CFAP299: variants seen among roughly 807,000 people sequenced by gnomAD.
CFAP299 encodes cilia and flagella associated protein 299.
In CFAP299, 21 loss-of-function variants were observed where a neutral mutation model predicts 27.0. That is an observed-to-expected ratio of 0.78 (90% CI 0.55 to 1.12). CFAP299 has a LOEUF of 1.12. Ranked by LOEUF, CFAP299 falls within the 50% of genes most tolerant of loss-of-function variation. The pLI, the probability that CFAP299 is intolerant of heterozygous loss-of-function variation, is 0.00. For synonymous variants in CFAP299, 104 were observed against 98.1 expected (o/e 1.06, Z -0.36); for missense variants, 310 against 276.6 (o/e 1.12, Z -0.86).
intron 3 of CFAP299, among the ~76,000 whole-genome samples, chr4:80,770,962 C>A (rs976289170): frequency 6.6e-6 from 1 of 152,128 alleles, no homozygotes; most frequent in African/African-American, 2.4e-5. Flanking sequence ...TTAGGTCAGG[C>A]CCACCTAGAT....
intron 4 of CFAP299, among the ~76,000 whole-genome samples, chr4:80,908,452 A>T (rs1027711290): frequency 6.6e-6 from 1 of 152,208 alleles, no homozygotes; most frequent in African/African-American, 2.4e-5. Context: ...TTAGCATGAC[A>T]TTCCTACCTC....
chr4:80,826,343 CA>C (rs1244522131), intron 3 of CFAP299, among the ~76,000 whole-genome samples: 1 of 151,432 alleles, frequency 6.6e-6, no homozygotes, highest in East Asian at 1.9e-4. Flanking sequence ...CAACAATTAT[CA>C]AAAGGACAGA....
chr4:80,398,861 G>T (rs1725970593), intron 2 of CFAP299, among the ~76,000 whole-genome samples: 1 of 152,154 alleles, frequency 6.6e-6, no homozygotes, highest in Admixed American at 6.5e-5. Context: ...AAACGAAAGA[G>T]CTTCTGCACA....
At chr4:80,494,552 T>G (rs1446566342) in intron 2 of CFAP299, among the ~76,000 whole-genome samples, 2 of 152,172 alleles carry the variant, frequency 1.3e-5, no homozygotes, top group Non-Finnish European at 2.9e-5. Flanking sequence ...TCACAGCATT[T>G]GGTTCTTGCT....
chr4:80,812,003 C>T (rs572697042), intron 3 of CFAP299, among the ~76,000 whole-genome samples: 23 of 152,046 alleles, frequency 1.5e-4, no homozygotes, highest in African/African-American at 4.3e-4. Flanking sequence ...AAAATGGTCA[C>T]GTGAAACAGG....
chr4:80,591,282 C>A (rs1445161704), intron 3 of CFAP299, among the ~76,000 whole-genome samples: 3 of 150,754 alleles, frequency 2.0e-5, no homozygotes, highest in Non-Finnish European at 4.4e-5. Context: ...CGCCACTACG[C>A]CCGGCTAATT....
chr4:80,515,866 G>A (rs1284470037), intron 2 of CFAP299, among the ~76,000 whole-genome samples: 1 of 152,124 alleles, frequency 6.6e-6, no homozygotes, highest in East Asian at 1.9e-4. Flanking sequence ...TTCATACAAA[G>A]CCTTTGCTGA....
intron 2 of CFAP299, among the ~76,000 whole-genome samples, chr4:80,503,276 G>C (rs1386564319): frequency 1.3e-5 from 2 of 151,876 alleles, no homozygotes; most frequent in Non-Finnish European, 2.9e-5. Context: ...CACCTATTTT[G>C]GTACATATAT....
chr4:80,759,492 GA>G (rs1370605809), intron 3 of CFAP299, among the ~76,000 whole-genome samples: 1 of 152,116 alleles, frequency 6.6e-6, no homozygotes, highest in Non-Finnish European at 1.5e-5. Context: ...AACCATGAAA[GA>G]AAAATGTGAG....
intron 2 of CFAP299, among the ~76,000 whole-genome samples, chr4:80,428,539 T>G (rs188460487): frequency 4.6e-5 from 7 of 152,030 alleles, no homozygotes; most frequent in African/African-American, 1.7e-4. Flanking sequence ...TTTTTCTTTC[T>G]TTTTTTTGAG....
At chr4:80,777,427 A>C (rs539670852) in intron 3 of CFAP299, among the ~76,000 whole-genome samples, 3 of 152,152 alleles carry the variant, frequency 2.0e-5, no homozygotes, top group Admixed American at 2.0e-4. Flanking sequence ...TTGACTTTTC[A>C]TTCAGGCTAG....
rs535617299 is a variant in CFAP299 at position 80,548,023 on chromosome 4, G to T, written c.243-35070G>T. On this transcript the variant is annotated intron_variant, in intron 2 of 5. Transcript: ENST00000358105. ...CATTTGACCCAGCAATCCCAGTATT[G>T]GGTATATACCCAAAGGAAAATAAAT... Among the ~76,000 whole-genome samples, 3 of 152,198 alleles carry T rather than the reference G, an allele frequency of 2.0e-5. No individual in the cohort carries two copies. In the South Asian group the frequency reaches 6.2e-4, roughly 32 times the overall value.
At chr4:80,859,712 T>G (rs1732189506) in intron 3 of CFAP299, among the ~76,000 whole-genome samples, 1 of 152,234 alleles carries the variant, frequency 6.6e-6, no homozygotes, top group African/African-American at 2.4e-5. Flanking sequence ...GAAAATTCTT[T>G]TCTTTAAGAA....
At position 80,674,667 on chromosome 4, in the gene CFAP299, C is replaced by T. The variant is rs148557645; in HGVS notation, c.333+91484C>T. Among the ~76,000 whole-genome samples, 52 of 152,258 alleles carry T rather than the reference C, an allele frequency of 3.4e-4. 1 individual carries two copies. The East Asian group carries it at 4.8e-3, about 14-fold the overall frequency. Reference sequence around the variant, plus strand: ...GTCACTTTCACGTACACTGATCAAACGAAGATTTGGTCTTTTCACATTGTC... The same window carrying T: ...GTCACTTTCACGTACACTGATCAAATGAAGATTTGGTCTTTTCACATTGTC... On this transcript the variant is annotated intron_variant, in intron 3 of 5. Coordinates refer to ENST00000358105, the MANE Select transcript of CFAP299 (RefSeq NM_152770.3).
chr4:80,402,570 C>T (rs1726218500), intron 2 of CFAP299, among the ~76,000 whole-genome samples: 1 of 152,184 alleles, frequency 6.6e-6, no homozygotes, highest in African/African-American at 2.4e-5. Flanking sequence ...CCAATTAAAA[C>T]TCCTTTTCTT....
Position 80,405,435 on chromosome 4 carries a change from ACATTTCC to A in CFAP299, c.242+42556_242+42562del, listed in dbSNP as rs1303768675. The stretch of plus-strand genomic sequence containing the variant: ...CTCTTTATGAAATGGTAATAATAAT[ACATTTCC>A]CATTAAATCTTTAAATATTCATTAA... On this transcript the variant is annotated intron_variant, in intron 2 of 5. Transcript: ENST00000358105. Among the ~76,000 whole-genome samples, 3 of 152,318 alleles carry A rather than the reference ACATTTCC, an allele frequency of 2.0e-5. No homozygotes were observed. The East Asian group carries it at 5.8e-4, about 29-fold the overall frequency.
At chr4:80,918,044 G>A (rs1022587847) in intron 4 of CFAP299, among the ~76,000 whole-genome samples, 3 of 152,114 alleles carry the variant, frequency 2.0e-5, no homozygotes, top group African/African-American at 7.2e-5. Context: ...GCTACTTGCT[G>A]TACCATTAGC....
chr4:80,757,098 C>A (rs949137133), intron 3 of CFAP299, among the ~76,000 whole-genome samples: 5 of 152,070 alleles, frequency 3.3e-5, no homozygotes, highest in Admixed American at 6.6e-5. Context: ...AATAAGATCA[C>A]TCAAGCTTCA....
chr4:80,726,416 GAT>G (rs1461374827), intron 3 of CFAP299, among the ~76,000 whole-genome samples: 1 of 152,024 alleles, frequency 6.6e-6, no homozygotes, highest in African/African-American at 2.4e-5. Flanking sequence ...GAAAGAAAAA[GAT>G]ATCTTTTTAA....
Sources: allele counts gnomAD v4.1 joint callset (sites outside exome capture counted in the v4.1 genomes callset), GRCh38; gene constraint gnomAD v4.1.1; transcripts MANE v1.5; gene names NCBI Gene and HGNC (gene_info 2026-07-23, HGNC 2026-07-21).